TMEM209: variants seen among roughly 807,000 people sequenced by gnomAD.
The protein encoded by TMEM209 is transmembrane protein 209.
TMEM209 carries 65 observed loss-of-function variants against 76.2 expected under a neutral mutation model. The observed-to-expected ratio is 0.85, with a 90% CI of 0.70 to 1.05. The LOEUF (loss-of-function observed/expected upper bound fraction) is 1.05. Ranked by LOEUF, TMEM209 falls within the 50% of genes least tolerant of loss-of-function variation. TMEM209 has a pLI of 0.00. For synonymous variants in TMEM209, 239 were observed against 237.6 expected (o/e 1.01, Z -0.06); for missense variants, 623 against 685.5 (o/e 0.91, Z 1.02).
chr7:130,201,258 A>T (rs2117035834), intron 5 of TMEM209, among the ~76,000 whole-genome samples: 1 of 152,260 alleles, frequency 6.6e-6, no homozygotes, highest in African/African-American at 2.4e-5. Flanking sequence ...ACGCCCCCTT[A>T]TATTAATAGT....
At chr7:130,186,374 C>T (rs796939609) in intron 6 of TMEM209, among the ~76,000 whole-genome samples, 10 of 152,100 alleles carry the variant, frequency 6.6e-5, no homozygotes, top group African/African-American at 1.4e-4. Context: ...GTTTTGTTAG[C>T]GTTGGTGAAT....
chr7:130,181,424 T>C (rs908216609), intron 9 of TMEM209, among the ~76,000 whole-genome samples, 199 bp downstream of exon 9: 1 of 152,190 alleles, frequency 6.6e-6, no homozygotes, highest in Non-Finnish European at 1.5e-5. Flanking sequence ...GGACTGTACA[T>C]TTTAAATGGG....
chr7:130,177,244 A>G (rs763161270), intron 10 of TMEM209, among the ~76,000 whole-genome samples: 8 of 151,408 alleles, frequency 5.3e-5, no homozygotes, highest in Non-Finnish European at 8.8e-5. Context: ...CCAGCTACTC[A>G]GGAGGCTGAG....
At chr7:130,171,052 G>C (rs572800168) in intron 13 of TMEM209, among the ~76,000 whole-genome samples, 1 of 152,110 alleles carries the variant, frequency 6.6e-6, no homozygotes, top group Non-Finnish European at 1.5e-5. Flanking sequence ...GTAACATACT[G>C]GGGGGTGGGG....
chr7:130,194,546 T>C (rs1287535653), intron 5 of TMEM209, among the ~76,000 whole-genome samples: 2 of 152,224 alleles, frequency 1.3e-5, no homozygotes, highest in Non-Finnish European at 2.9e-5. Context: ...ATATTTTATG[T>C]ATTTTAAAAT....
In TMEM209 at chr7:130,205,230, TTC is replaced by T. The variant is rs1218290528; in HGVS notation, c.3+141_3+142del. 2.4e-5 allele frequency: 39 copies of T among 1,596,044 alleles called. No homozygotes were observed. In the Admixed American group the frequency reaches 3.5e-4, roughly 14 times the overall value. Reference sequence around the variant, plus strand: ...GCACGAACTTCAGCAACCCTATTGCTTCTTTCTTCCCTTCCCCTAGAGAGGCG... The same window carrying T: ...GCACGAACTTCAGCAACCCTATTGCTTTTCTTCCCTTCCCCTAGAGAGGCG... On this transcript the variant is annotated intron_variant, in intron 1 of 14. Transcript: ENST00000397622.
chr7:130,172,202 A>C (rs1797092409), intron 13 of TMEM209, among the ~76,000 whole-genome samples: 1 of 152,230 alleles, frequency 6.6e-6, no homozygotes, highest in Non-Finnish European at 1.5e-5. Context: ...AATAACCTTT[A>C]TTATAAAGTA....
intron 6 of TMEM209, among the ~76,000 whole-genome samples, chr7:130,187,058 C>T (rs1797624197): frequency 6.6e-6 from 1 of 152,122 alleles, no homozygotes; most frequent in Non-Finnish European, 1.5e-5. Flanking sequence ...GCCTGGCCAA[C>T]ATGGTGAAAC....
At chr7:130,190,138 T>C (rs1176514780) in intron 6 of TMEM209, among the ~76,000 whole-genome samples, 3 of 152,260 alleles carry the variant, frequency 2.0e-5, no homozygotes, top group East Asian at 3.9e-4. Flanking sequence ...GAAACCTTTA[T>C]CTTACAGAAT....
At chr7:130,199,358 C>T (rs1798108280) in intron 5 of TMEM209, among the ~76,000 whole-genome samples, 1 of 152,106 alleles carries the variant, frequency 6.6e-6, no homozygotes, top group Non-Finnish European at 1.5e-5. Flanking sequence ...GCTGCGACTA[C>T]AGGCGCCCGC....
chr7:130,175,847 AAG>A (rs1797219104), intron 10 of TMEM209, among the ~76,000 whole-genome samples: 1 of 152,158 alleles, frequency 6.6e-6, no homozygotes, highest in Non-Finnish European at 1.5e-5. Context: ...TTCTTAAAAA[AAG>A]AGTTGATGGG....
intron 9 of TMEM209, among the ~76,000 whole-genome samples, chr7:130,179,997 C>A (rs573312298): frequency 6.6e-6 from 1 of 152,158 alleles, no homozygotes; most frequent in African/African-American, 2.4e-5. Flanking sequence ...AAAATATTCA[C>A]ACCTACTGAC....
intron 6 of TMEM209, among the ~76,000 whole-genome samples, chr7:130,191,996 G>A (rs925963330): frequency 3.3e-5 from 5 of 152,130 alleles, no homozygotes; most frequent in African/African-American, 4.8e-5. Flanking sequence ...CGGCTTCCTC[G>A]CCACAGCTGA....
intron 6 of TMEM209, among the ~76,000 whole-genome samples, chr7:130,188,430 A>T (rs926671766): frequency 6.6e-6 from 1 of 151,924 alleles, no homozygotes. Context: ...CCCCGTCTCT[A>T]CTAAAAATAC....
chr7:130,197,892 A>T (rs1280005481), intron 5 of TMEM209, among the ~76,000 whole-genome samples: 2 of 152,240 alleles, frequency 1.3e-5, no homozygotes, highest in African/African-American at 4.8e-5. Flanking sequence ...ATAACAGTTC[A>T]TTAACATTTG....
At chr7:130,195,090 G>GT (rs1415076930) in intron 5 of TMEM209, among the ~76,000 whole-genome samples, 2 of 151,974 alleles carry the variant, frequency 1.3e-5, no homozygotes, top group Non-Finnish European at 2.9e-5. Flanking sequence ...GAAGTATCCT[G>GT]TTACTCAAAA....
chr7:130,170,697 G>A (rs1157848097), intron 13 of TMEM209, among the ~76,000 whole-genome samples: 1 of 152,182 alleles, frequency 6.6e-6, no homozygotes, highest in African/African-American at 2.4e-5. Context: ...AGGGCCAGTA[G>A]GAAAGGCAGA....
rs774028320 is a variant in TMEM209 at position 130,175,565 on chromosome 7, C to A, written c.1291G>T (p.Gly431Cys). The A allele has an allele frequency of 4.3e-6, 7 of 1,613,252 alleles. No individual in the cohort carries two copies. Among genetic ancestry groups the A allele is most frequent in the Non-Finnish European group, 5.9e-6 (7 of 1,179,710 alleles). ...GCMSSFRWNR[G>C]GDFKGRKWDT... The stretch of plus-strand genomic sequence containing the variant: ...CACTTTCGTCCTTTGAAGTCGCCAC[C>A]TCTGTTCCATCGAAATGAGCTCATA... The change falls in exon 11 of 15, where the codon GGT (glycine) becomes TGT (cysteine). Residue 431 changes from glycine (G) to cysteine (C), a missense_variant. Coordinates refer to ENST00000397622, the MANE Select transcript of TMEM209 (RefSeq NM_032842.4).
intron 13 of TMEM209, among the ~76,000 whole-genome samples, chr7:130,172,646 C>A (rs551924220): frequency 6.6e-6 from 1 of 152,048 alleles, no homozygotes; most frequent in African/African-American, 2.4e-5. Flanking sequence ...AGAAAATGTA[C>A]AACAGTAGAG....
Sources: gnomAD v4.1 joint callset for allele counts (sites outside exome capture counted in the v4.1 genomes callset) on GRCh38, gnomAD v4.1.1 for gene constraint, MANE v1.5 for transcripts, NCBI Gene and HGNC (gene_info 2026-07-23, HGNC 2026-07-21) for gene names.